The following HTR3A variants were observed in gnomAD, a reference collection of about 807,000 sequenced individuals.
HTR3A encodes 5-hydroxytryptamine (serotonin) receptor 3A, ionotropic.
A neutral mutation model predicts 54.8 loss-of-function variants in HTR3A; 45 were observed. The ratio of observed to expected loss-of-function variants is 0.82; its 90% CI spans 0.65 to 1.05. The LOEUF (loss-of-function observed/expected upper bound fraction) is 1.05. Among genes scored for constraint, HTR3A ranks in the 50% least tolerant of loss-of-function variants. HTR3A has a pLI of 0.00. For missense variants in HTR3A, 657 were observed against 614.0 expected (o/e 1.07, Z -0.74); for synonymous variants, 297 against 256.0 (o/e 1.16, Z -1.53).
At chr11:113,978,112 C>G (rs1249487876) in intron 2 of HTR3A, among the ~76,000 whole-genome samples, 190 bp downstream of exon 2, 1 of 152,204 alleles carries the variant, frequency 6.6e-6, no homozygotes, top group African/African-American at 2.4e-5. Context: ...CTGGGGTCAC[C>G]TTGTGGCTGC....
chr11:113,979,896 C>T (rs1001931384), intron 3 of HTR3A, among the ~76,000 whole-genome samples: 3 of 152,146 alleles, frequency 2.0e-5, no homozygotes, highest in Non-Finnish European at 2.9e-5. Context: ...TGGCTGAACA[C>T]ACGGAGGCAG....
At position 113,983,370 on chromosome 11, in the gene HTR3A, C is replaced by T. The variant is rs562037998; in HGVS notation, c.544+81C>T. ...CCTGAGCGAGGAGTGCTCCCCAGGG[C>T]GCCTTCTCACGTATCCAGCCTACTA... On this transcript the variant is annotated intron_variant, in intron 5 of 8. Transcript: ENST00000504030. The T allele has an allele frequency of 3.7e-4, 531 of 1,447,958 alleles. 1 individual carries two copies. Among genetic ancestry groups the T allele is most frequent in the South Asian group, 1.2e-3 (101 of 87,698 alleles). The allele number at this position is 1,447,958 out of a possible 1,614,324, so 89.7% of individuals were successfully genotyped here. A position where few individuals can be genotyped will look rare whatever the true frequency, so the allele number is the denominator to read the frequency against.
intron 5 of HTR3A, among the ~76,000 whole-genome samples, chr11:113,985,448 A>T (rs140219309): frequency 5.9e-4 from 90 of 152,268 alleles, no homozygotes; most frequent in Non-Finnish European, 1.2e-3. Context: ...GCATTTTCTG[A>T]TTGATGGATA....
chr11:113,981,168 G>A (rs1305515155), intron 3 of HTR3A, 35 bp from the exon 4 acceptor site: 5 of 1,334,876 alleles, frequency 3.7e-6, no homozygotes, highest in East Asian at 2.3e-5. Flanking sequence ...GGAGATGGAG[G>A]GGGCTGCCTG....
At chr11:113,980,037 G>A (rs909685402) in intron 3 of HTR3A, among the ~76,000 whole-genome samples, 3 of 152,170 alleles carry the variant, frequency 2.0e-5, no homozygotes, top group Admixed American at 6.5e-5. Context: ...GGGACAGGGC[G>A]TGGGGTAGAG....
intron 5 of HTR3A, 135 bp from the exon 6 acceptor site, chr11:113,985,880 T>C: frequency 1.9e-5 from 17 of 872,540 alleles, no homozygotes; most frequent in Non-Finnish European, 3.3e-5. Context: ...AGGCTGAAGG[T>C]GATGTGCTGA....
chr11:113,989,423 C>T lies in HTR3A; in HGVS notation c.1139-42C>T. 1.2e-6 allele frequency: 2 copies of T among 1,610,994 alleles called. No individual in the cohort carries two copies. Among genetic ancestry groups the T allele is most frequent in the Non-Finnish European group, 1.7e-6 (2 of 1,178,214 alleles). On this transcript the variant is annotated intron_variant, in intron 8 of 8. Transcript: ENST00000504030. This position sits in a 1 kb window ranked among gnomAD's most constrained non-coding sequence, Gnocchi z 4.4. ...TAAGGAACCATGTTCAGGTCACCAC[C>T]CGGGGTCTCCCTCTCTTGCCAATGC...
chr11:113,984,115 C>T lies in HTR3A; in HGVS notation c.544+826C>T, dbSNP rs187559983. ...CCCTTTCCTCCCTCTCCCAACTTGC[C>T]CCACAGCTGCTCCCCCCAACCACAC... On this transcript the variant is annotated intron_variant, in intron 5 of 8. Transcript: ENST00000504030. 3.3e-4 allele frequency among the ~76,000 whole-genome samples: 51 copies of T among 152,244 alleles called. 1 individual carries two copies. In the East Asian group the frequency reaches 6.9e-3, roughly 21 times the overall value.
chr11:113,979,144 C>G, intron 2 of HTR3A, 89 bp from the exon 3 acceptor site: 1 of 1,010,934 alleles, frequency 9.9e-7, no homozygotes, highest in Non-Finnish European at 1.6e-6. Context: ...AATAGGGACA[C>G]AAGGAAGCCC....
chr11:113,979,095 C>T (rs1231414946), intron 2 of HTR3A, 138 bp from the exon 3 acceptor site: 15 of 728,772 alleles, frequency 2.1e-5, no homozygotes, highest in East Asian at 2.6e-5. Context: ...TCTACTTTCC[C>T]GACCCCGGCC....
chr11:113,975,590 G>A (rs565627873), intron 1 of HTR3A, among the ~76,000 whole-genome samples, 198 bp downstream of exon 1: 10 of 152,194 alleles, frequency 6.6e-5, no homozygotes, highest in Non-Finnish European at 1.2e-4. Context: ...GGAATGTTGA[G>A]TCCTGGGGTG....
Position 113,975,348 on chromosome 11 carries a change from C to T in HTR3A, c.23C>T (p.Ala8Val), listed in dbSNP as rs528833708. Residue 8 changes from alanine to valine, a missense_variant, in exon 1 of 9, where the codon GCG becomes GTG. Physicochemically the swap from Ala to Val is moderately conservative, Grantham distance 64. Transcript: ENST00000504030. ...GCTATGCTGCTGTGGGTCCAGCAGG[C>T]GCTGCTCGCCTTGCTCCTCCCCACA... The part of the protein sequence containing the change: MLLWVQQ[A>V]LLALLLPTLL... 8.7e-6 allele frequency: 14 copies of T among 1,613,322 alleles called. No homozygotes were observed. The highest frequency in any genetic ancestry group is 4.5e-5 in the East Asian group (2 of 44,870).
Position 113,989,477 on chromosome 11 carries a change from A to G in HTR3A, c.1151A>G (p.His384Arg). 6 of 1,614,038 alleles carry G rather than the reference A, an allele frequency of 3.7e-6. No homozygotes were observed. The highest frequency in any genetic ancestry group is 5.1e-6 in the Non-Finnish European group (6 of 1,180,014). Residue 384 changes from histidine (H) to arginine (R), a missense_variant, in exon 9 of 9, where the codon CAC becomes CGC. His to Arg is a conservative substitution (Grantham distance 29). Coordinates refer to ENST00000504030, the MANE Select transcript of HTR3A (RefSeq NM_000869.6). This position sits in a 1 kb window ranked among gnomAD's most constrained non-coding sequence, Gnocchi z 4.4. ...GCCCTTCTTCCAGCCATGGGAAACC[A>G]CTGCAGCCACATGGGAGGACCCCAG... ...KTDDCSAMGN[H>R]CSHMGGPQDF...
intron 8 of HTR3A, among the ~76,000 whole-genome samples, chr11:113,988,636 C>A (rs1416556699): frequency 6.6e-6 from 1 of 152,114 alleles, no homozygotes; most frequent in Non-Finnish European, 1.5e-5. Context: ...TGGTGACACA[C>A]ACCTGTAATC....
At chr11:113,978,054 C>A in intron 2 of HTR3A, 132 bp downstream of exon 2, 1 of 1,061,966 alleles carries the variant, frequency 9.4e-7, no homozygotes, top group Non-Finnish European at 1.4e-6. Flanking sequence ...GGCACCACAG[C>A]TCAGGATGGA....
At position 113,989,422 on chromosome 11, in the gene HTR3A, C is replaced by A; in HGVS notation, c.1139-43C>A. ...ATAAGGAACCATGTTCAGGTCACCA[C>A]CCGGGGTCTCCCTCTCTTGCCAATG... On this transcript the variant is annotated intron_variant, in intron 8 of 8. Transcript: ENST00000504030. The surrounding 1 kb of genome is among the most constrained non-coding windows in gnomAD (Gnocchi z 4.4). 1 of 1,610,676 alleles carries A rather than the reference C, an allele frequency of 6.2e-7. No homozygotes were observed. Among genetic ancestry groups the A allele is most frequent in the Non-Finnish European group, 8.5e-7 (1 of 1,177,920 alleles).
chr11:113,987,318 G>A (rs1950505384), intron 8 of HTR3A, among the ~76,000 whole-genome samples: 1 of 152,226 alleles, frequency 6.6e-6, no homozygotes, highest in Non-Finnish European at 1.5e-5. Context: ...TCTGGGCTGA[G>A]AATGGCCTCT....
intron 2 of HTR3A, among the ~76,000 whole-genome samples, chr11:113,978,350 C>A (rs1197309205): frequency 6.6e-6 from 1 of 152,168 alleles, no homozygotes; most frequent in Non-Finnish European, 1.5e-5. Flanking sequence ...TCATCAACTA[C>A]CACAGTAGGG....
At position 113,986,070 on chromosome 11, in the gene HTR3A, G is replaced by A; in HGVS notation, c.600G>A (p.Arg200=). ...TGCCAGAAAAGGTGAAATCCGACAG[G>A]AGTGTCTTCATGAACCAGGGAGAGT... ...WRLPEKVKSD[R]SVFMNQGEWE... is the part of the protein sequence containing the mutation. Residue 200 remains arginine (R), a synonymous_variant, in exon 6 of 9, where the codon AGG becomes AGA. Transcript: ENST00000504030. 6.2e-7 allele frequency: 1 copy of A among 1,614,216 alleles called. No homozygotes were observed. Among genetic ancestry groups the A allele is most frequent in the Non-Finnish European group, 8.5e-7 (1 of 1,180,042 alleles).
Sources: allele counts gnomAD v4.1 joint callset (sites outside exome capture counted in the v4.1 genomes callset), GRCh38; gene constraint gnomAD v4.1.1; non-coding constraint Gnocchi (gnomAD v3.1); transcripts MANE v1.5; gene names NCBI Gene and HGNC (gene_info 2026-07-23, HGNC 2026-07-21).